GINM1: variants seen among roughly 807,000 people sequenced by gnomAD.
GINM1 encodes glycosylated integral membrane protein 1, also known as glycoprotein integral membrane protein 1.
GINM1 carries 29 observed loss-of-function variants against 37.8 expected under a neutral mutation model. That is an observed-to-expected ratio of 0.77 (90% CI 0.57 to 1.05). The LOEUF (loss-of-function observed/expected upper bound fraction) is 1.05, where lower values mean the gene tolerates loss of function less well. GINM1 is among the 50% of genes least tolerant of loss of function. The probability of loss-of-function intolerance (pLI) is 0.00; values close to 1 mark genes in which losing one functional copy is unlikely to be tolerated. For missense variants in GINM1, 377 were observed against 397.9 expected, an observed-to-expected ratio of 0.95 and a Z score of 0.45; for synonymous variants, 143 against 146.2, an observed-to-expected ratio of 0.98 and a Z score of 0.16.
rs71720057 is a variant in GINM1 at position 149,591,115 on chromosome 6, CCT to C, written c.*278_*279del. On this transcript the variant is annotated 3_prime_UTR_variant, in exon 8 of 8. Transcript: ENST00000367419. Reference sequence around the variant, plus strand: ...GACCATCCTGCCAACATGGTGAAACCCTGTCTCTACTAAAAAAAATAAAAAAA... The same window carrying C: ...GACCATCCTGCCAACATGGTGAAACCGTCTCTACTAAAAAAAATAAAAAAA... The C allele has an allele frequency of 0.039, 8,999 of 233,516 alleles. 813 individuals carry two copies. The highest frequency in any genetic ancestry group is 0.19 in the African/African-American group (8,363 of 43,806). The allele number at this position is 233,516 out of a possible 1,614,324, so 14.5% of individuals were successfully genotyped here.
At chr6:149,582,378 ATTTAAAG>A in intron 6 of GINM1, 55 bp from the exon 7 acceptor site, 1 of 1,405,746 alleles carries the variant, frequency 7.1e-7, no homozygotes, top group Non-Finnish European at 9.9e-7. Flanking sequence ...ACATTAAAAA[ATTTAAAG>A]TTTATTCTTA....
intron 1 of GINM1, among the ~76,000 whole-genome samples, chr6:149,568,871 A>G (rs1284431736): frequency 6.6e-6 from 1 of 151,938 alleles, no homozygotes; most frequent in African/African-American, 2.4e-5. Flanking sequence ...GCTCTGTCTC[A>G]CACAGGCTGG....
chr6:149,572,675 G>GT, intron 3 of GINM1, 72 bp downstream of exon 3: 3 of 977,152 alleles, frequency 3.1e-6, no homozygotes, highest in Middle Eastern at 2.6e-4. Flanking sequence ...GTTGTTGTTT[G>GT]TTTTTTGAGA....
intron 3 of GINM1, among the ~76,000 whole-genome samples, chr6:149,574,746 T>C (rs1777889489): frequency 6.6e-6 from 1 of 152,056 alleles, no homozygotes; most frequent in African/African-American, 2.4e-5. Flanking sequence ...TGCAGGCTTG[T>C]TTTCCCAGCT....
intron 1 of GINM1, among the ~76,000 whole-genome samples, chr6:149,567,654 A>G (rs1777742486): frequency 6.6e-6 from 1 of 151,860 alleles, no homozygotes; most frequent in Admixed American, 6.6e-5. Context: ...AAACAAAAAC[A>G]AAAAAACCAA....
intron 4 of GINM1, 72 bp downstream of exon 4, chr6:149,579,045 A>C: frequency 2.1e-6 from 2 of 941,834 alleles, no homozygotes; most frequent in Non-Finnish European, 3.1e-6. Flanking sequence ...GCATGTGTTC[A>C]GTTATTTTAT....
chr6:149,574,340 C>T (rs1044803153), intron 3 of GINM1, among the ~76,000 whole-genome samples: 14 of 152,034 alleles, frequency 9.2e-5, no homozygotes, highest in Non-Finnish European at 1.3e-4. Flanking sequence ...GCGTGAGCCA[C>T]CGTGCCCGGC....
intron 1 of GINM1, among the ~76,000 whole-genome samples, chr6:149,569,568 C>A (rs1264990486): frequency 3.3e-5 from 5 of 151,878 alleles, no homozygotes; most frequent in Non-Finnish European, 7.4e-5. Context: ...AAACTCCTGA[C>A]CTCAGGTGAT....
intron 7 of GINM1, among the ~76,000 whole-genome samples, chr6:149,585,693 T>C (rs919215765): frequency 3.9e-5 from 6 of 152,018 alleles, no homozygotes; most frequent in Non-Finnish European, 5.9e-5. Context: ...CCCGGGTTCA[T>C]GCCATTCTCC....
At chr6:149,590,462 C>A (rs1476881060) in intron 7 of GINM1, among the ~76,000 whole-genome samples, 1 of 152,158 alleles carries the variant, frequency 6.6e-6, no homozygotes, top group Non-Finnish European at 1.5e-5. Flanking sequence ...GAACCTAACT[C>A]TGCCTTGGAG....
At chr6:149,589,120 T>A (rs1318896930) in intron 7 of GINM1, among the ~76,000 whole-genome samples, 2 of 149,450 alleles carry the variant, frequency 1.3e-5, no homozygotes, top group Admixed American at 6.7e-5. Context: ...TTAAAAAAAA[T>A]TTATTTTGTG....
In GINM1 at chr6:149,582,487, C is replaced by T. The variant is rs1010122385; in HGVS notation, c.765C>T (p.Phe255=). The change falls in exon 7 of 8, where the codon TTC becomes TTT. Residue 255 remains phenylalanine, a synonymous_variant. Transcript: ENST00000367419. ...AGTTTAGAAAAGATCTGTGTAGGTT[C>T]TGGAGCAACGTTTTCCCAGTATTCT... ...MEKFRKDLCR[F]WSNVFPVFFQ... 1 of 1,612,040 alleles carries T rather than the reference C, an allele frequency of 6.2e-7. No individual in the cohort carries two copies. Among genetic ancestry groups the T allele is most frequent in the Non-Finnish European group, 8.5e-7 (1 of 1,179,632 alleles).
chr6:149,587,686 A>G (rs1295606991), intron 7 of GINM1, among the ~76,000 whole-genome samples: 1 of 152,160 alleles, frequency 6.6e-6, no homozygotes, highest in Non-Finnish European at 1.5e-5. Context: ...GTGTTCAGCT[A>G]TCCAGAAGCT....
intron 3 of GINM1, among the ~76,000 whole-genome samples, chr6:149,573,380 A>G (rs1014580119): frequency 1.3e-5 from 2 of 152,136 alleles, no homozygotes; most frequent in Non-Finnish European, 2.9e-5. Flanking sequence ...AGTGAGCTAT[A>G]ATCATGCCAC....
intron 1 of GINM1, among the ~76,000 whole-genome samples, chr6:149,567,456 C>T (rs1045906488): frequency 9.9e-5 from 15 of 152,138 alleles, no homozygotes; most frequent in Non-Finnish European, 2.1e-4. Context: ...CTTTGACCAA[C>T]AAGGTGAAAC....
chr6:149,566,966 C>T lies in GINM1; in HGVS notation c.120+432C>T, dbSNP rs1777730084. On this transcript the variant is annotated intron_variant, in intron 1 of 7. Coordinates refer to ENST00000367419, the MANE Select transcript of GINM1 (RefSeq NM_138785.5). The surrounding 1 kb of genome is among the most constrained non-coding windows in gnomAD (Gnocchi z 4.4). ...TTCCAGGCCACTTGTGCCTGCTCGG[C>T]CTGCGATCGCGAGGGTCCGCCGTTC... Among the ~76,000 whole-genome samples, 1 of 152,264 alleles carries T rather than the reference C, an allele frequency of 6.6e-6. No individual in the cohort carries two copies. Among genetic ancestry groups the T allele is most frequent in the Admixed American group, 6.5e-5 (1 of 15,294 alleles).
chr6:149,589,657 A>T (rs1434131537), intron 7 of GINM1, among the ~76,000 whole-genome samples: 1 of 152,146 alleles, frequency 6.6e-6, no homozygotes, highest in Non-Finnish European at 1.5e-5. Context: ...CCATTTTTCC[A>T]TTAGTAATTT....
intron 1 of GINM1, among the ~76,000 whole-genome samples, chr6:149,568,538 C>T (rs534063677): frequency 7.4e-4 from 112 of 152,328 alleles, no homozygotes; most frequent in African/African-American, 2.6e-3. Context: ...CAGTGAGGAA[C>T]TGTTTTTAAA....
intron 1 of GINM1, among the ~76,000 whole-genome samples, chr6:149,569,453 C>T (rs909222471): frequency 6.6e-6 from 1 of 151,646 alleles, no homozygotes; most frequent in Non-Finnish European, 1.5e-5. Context: ...ATTCTCCTGC[C>T]TCAGCCTCCC....
Sources: gnomAD v4.1 joint callset for allele counts (sites outside exome capture counted in the v4.1 genomes callset) on GRCh38, gnomAD v4.1.1 for gene constraint, Gnocchi (gnomAD v3.1) non-coding constraint, MANE v1.5 for transcripts, NCBI Gene and HGNC (gene_info 2026-07-23, HGNC 2026-07-21) for gene names.